Variants in SYTL2 observed in about 807,000 individuals in gnomAD.
The protein encoded by SYTL2 is synaptotagmin like 2.
In SYTL2, 165 loss-of-function variants were observed where a neutral mutation model predicts 198.7. The ratio of observed to expected loss-of-function variants is 0.83; its 90% CI spans 0.73 to 0.94. The LOEUF is 0.94. Ranked by LOEUF, SYTL2 falls within the 40% of genes least tolerant of loss-of-function variation. The pLI is 0.00. For synonymous variants in SYTL2, 966 were observed against 917.7 expected, an observed-to-expected ratio of 1.05 and a Z score of -0.95; for missense variants, 2,835 against 2,582.8, an observed-to-expected ratio of 1.10 and a Z score of -2.12.
chr11:85,817,028 A>C, the SYTL2 span, among the ~76,000 whole-genome samples: 3 of 152,098 alleles, frequency 2.0e-5, no homozygotes, highest in Non-Finnish European at 4.4e-5. Flanking sequence ...TAATCTTTGA[A>C]ATTCATCTTA....
chr11:85,821,059 G>A, the SYTL2 span, among the ~76,000 whole-genome samples: 4 of 152,298 alleles, frequency 2.6e-5, no homozygotes, highest in African/African-American at 9.6e-5. Flanking sequence ...TTTCTAGTGG[G>A]TGAGTCAGTG....
chr11:85,852,674 T>G, the SYTL2 span: 1,020 of 198,486 alleles, frequency 5.1e-3, 9 homozygotes, highest in Middle Eastern at 0.023. Flanking sequence ...GTTCACTCAG[T>G]GCTCAATGTT....
Position 85,792,728 on chromosome 11 carries a change from T to G in SYTL2, c.-390+18226A>C, listed in dbSNP as rs900985481. Among the ~76,000 whole-genome samples, 29 of 151,850 alleles carry G rather than the reference T, an allele frequency of 1.9e-4. 1 individual carries two copies. Among genetic ancestry groups the G allele is most frequent in the African/African-American group, 6.3e-4 (26 of 41,236 alleles). On this transcript the variant is annotated intron_variant, in intron 1 of 19. Transcript: ENST00000359152. Reference sequence around the variant, plus strand: ...GTGCCATGCTGGTGTGCTGCACCCATTAACTCGTCATTTAGCATTAGGTAG... The same window carrying G: ...GTGCCATGCTGGTGTGCTGCACCCAGTAACTCGTCATTTAGCATTAGGTAG...
intron 1 of SYTL2, among the ~76,000 whole-genome samples, chr11:85,772,983 T>C (rs929407582): frequency 6.6e-6 from 1 of 152,192 alleles, no homozygotes; most frequent in African/African-American, 2.4e-5. Context: ...CTTGGCCAAA[T>C]GTTCCTATGA....
intron 1 of SYTL2, among the ~76,000 whole-genome samples, chr11:85,793,873 G>A (rs990748475): frequency 6.6e-6 from 1 of 152,140 alleles, no homozygotes. Context: ...ATACAGATAT[G>A]AACCCTGGAA....
At chr11:85,842,063 T>C in the SYTL2 span, among the ~76,000 whole-genome samples, 9 of 152,166 alleles carry the variant, frequency 5.9e-5, no homozygotes, top group South Asian at 2.1e-4. Context: ...GGTGGTATAA[T>C]GGTGAAGCAG....
At chr11:85,763,424 G>T (rs1055299871) in intron 1 of SYTL2, among the ~76,000 whole-genome samples, 6 of 152,188 alleles carry the variant, frequency 3.9e-5, no homozygotes, top group African/African-American at 1.4e-4. Flanking sequence ...GCCTTTGATA[G>T]GCAGCAAAGA....
the SYTL2 span, among the ~76,000 whole-genome samples, chr11:85,842,152 A>G: frequency 6.6e-6 from 1 of 152,214 alleles, no homozygotes; most frequent in Non-Finnish European, 1.5e-5. Flanking sequence ...TTCAAGGGTA[A>G]GGAGAGCTAC....
chr11:85,704,765 C>T (rs2084862975), intron 16 of SYTL2, 93 bp downstream of exon 16: 1 of 1,010,942 alleles, frequency 9.9e-7, no homozygotes, highest in African/African-American at 1.6e-5. Flanking sequence ...AACTACAGAT[C>T]TGTACTCTGA....
intron 7 of SYTL2, among the ~76,000 whole-genome samples, chr11:85,732,576 C>T (rs760214723): frequency 1.3e-5 from 2 of 151,548 alleles, no homozygotes; most frequent in Non-Finnish European, 2.9e-5. Context: ...GGAAACATCA[C>T]ACACCAGGGC....
intron 1 of SYTL2, among the ~76,000 whole-genome samples, chr11:85,806,934 C>T (rs564841322): frequency 1.2e-4 from 18 of 152,382 alleles, no homozygotes; most frequent in African/African-American, 3.8e-4. Context: ...AACCAAGCCA[C>T]CTGCCTCCCA....
intron 7 of SYTL2, among the ~76,000 whole-genome samples, chr11:85,732,227 C>G (rs1320787917): frequency 1.3e-5 from 2 of 152,202 alleles, no homozygotes; most frequent in African/African-American, 4.8e-5. Context: ...TTTGACCCAG[C>G]AATCCCATTA....
At position 85,793,403 on chromosome 11, in the gene SYTL2, C is replaced by T. The variant is rs191229481; in HGVS notation, c.-390+17551G>A. ...AGTGATGGTGAGCATAGTTTCAGAGCTTTTATCATGTCTTCTTTATTTCAA... is the reference window on the plus strand; with the variant it reads ...AGTGATGGTGAGCATAGTTTCAGAGTTTTTATCATGTCTTCTTTATTTCAA... On this transcript the variant is annotated intron_variant, in intron 1 of 19. Coordinates refer to ENST00000359152, the MANE Select transcript of SYTL2 (RefSeq NM_206927.4). Among the ~76,000 whole-genome samples the T allele has an allele frequency of 3.8e-4, 58 of 152,272 alleles. 1 individual carries two copies. In the East Asian group the frequency reaches 9.8e-3, roughly 26 times the overall value.
chr11:85,741,790 G>A (rs985234853), intron 4 of SYTL2, among the ~76,000 whole-genome samples: 1 of 152,174 alleles, frequency 6.6e-6, no homozygotes, highest in Non-Finnish European at 1.5e-5. Flanking sequence ...GGAAAACTAA[G>A]AGCTAAAGAT....
At chr11:85,851,857 T>C in the SYTL2 span, among the ~76,000 whole-genome samples, 2 of 152,252 alleles carry the variant, frequency 1.3e-5, no homozygotes, top group African/African-American at 4.8e-5. Flanking sequence ...CTCCTGAATT[T>C]GCACTCTTAA....
the SYTL2 span, chr11:85,853,144 A>G: frequency 3.2e-6 from 1 of 315,278 alleles, no homozygotes; most frequent in South Asian, 2.3e-5. Context: ...CCCGGCCGCC[A>G]CCCCGTCTGG....
chr11:85,725,425 T>C lies in SYTL2; in HGVS notation c.3933A>G (p.Pro1311=), dbSNP rs750263165. ...AACCCTTTCTGGAAAGCTGGGAAGT[T>C]GGATCCAATGGATGAGAATCTTCTG... ...MAAEDSHPLD[P]TSQLSRKGSF... Residue 1311 remains proline (P), a synonymous_variant, in exon 8 of 20, where the codon CCA becomes CCG. Coordinates refer to ENST00000359152, the MANE Select transcript of SYTL2 (RefSeq NM_206927.4). The C allele has an allele frequency of 2.7e-5, 44 of 1,614,124 alleles. No homozygotes were observed. Among genetic ancestry groups the C allele is most frequent in the Non-Finnish European group, 3.6e-5 (43 of 1,180,006 alleles).
chr11:85,837,407 G>C, the SYTL2 span, among the ~76,000 whole-genome samples: 2 of 152,196 alleles, frequency 1.3e-5, no homozygotes, highest in Non-Finnish European at 2.9e-5. Context: ...GCAGCCATCT[G>C]TAAGTCAGGA....
intron 1 of SYTL2, among the ~76,000 whole-genome samples, chr11:85,775,237 C>A (rs536150896): frequency 6.6e-6 from 1 of 152,256 alleles, no homozygotes; most frequent in East Asian, 1.9e-4. Context: ...CTTTCTGTCC[C>A]TCCCTCCCTC....
Sources: allele counts gnomAD v4.1 joint callset (sites outside exome capture counted in the v4.1 genomes callset), GRCh38; gene constraint gnomAD v4.1.1; transcripts MANE v1.5; gene names NCBI Gene and HGNC (gene_info 2026-07-23, HGNC 2026-07-21).